ZSWIM5: variants seen among roughly 807,000 people sequenced by gnomAD.
The protein encoded by ZSWIM5 is zinc finger SWIM-type containing 5, also known as zinc finger SWIM domain-containing protein 5.
Under a neutral mutation model 119.6 loss-of-function variants are expected in ZSWIM5, and 55 were observed. The ratio of observed to expected loss-of-function variants is 0.46; its 90% CI spans 0.37 to 0.58. The LOEUF is 0.58. Ranked by LOEUF, ZSWIM5 falls within the 20% of genes least tolerant of loss-of-function variation. The pLI is 0.00. For missense variants in ZSWIM5, 1,193 were observed against 1,512.8 expected (o/e 0.79, Z 3.51); for synonymous variants, 537 against 606.9 (o/e 0.88, Z 1.69).
intron 11 of ZSWIM5, among the ~76,000 whole-genome samples, chr1:45,021,953 C>T (rs1569981304): frequency 1.4e-5 from 2 of 147,640 alleles, no homozygotes; most frequent in African/African-American, 2.5e-5. Flanking sequence ...ACCTGGGAGG[C>T]GGAGGTTGCA....
chr1:45,194,686 G>A (rs1272587772), intron 1 of ZSWIM5, among the ~76,000 whole-genome samples: 1 of 152,014 alleles, frequency 6.6e-6, no homozygotes, highest in East Asian at 1.9e-4. Context: ...GACCATCCTG[G>A]CTAACACAGT....
chr1:45,043,747 C>T (rs1645030496), intron 5 of ZSWIM5, among the ~76,000 whole-genome samples: 1 of 152,168 alleles, frequency 6.6e-6, no homozygotes, highest in Admixed American at 6.5e-5. Context: ...TGCTTAGCCA[C>T]TCAGTCATGA....
chr1:45,147,617 T>C (rs556905984), intron 1 of ZSWIM5, among the ~76,000 whole-genome samples: 42 of 147,530 alleles, frequency 2.8e-4, no homozygotes, highest in African/African-American at 8.4e-4. Flanking sequence ...AAGAAACCAG[T>C]TGGACATATA....
intron 2 of ZSWIM5, among the ~76,000 whole-genome samples, chr1:45,082,309 CCAAGAATGAT>C (rs1290870916): frequency 1.3e-5 from 2 of 148,788 alleles, no homozygotes; most frequent in African/African-American, 5.0e-5. Flanking sequence ...TGAGAAACAC[CCAAGAATGAT>C]CAATTAAAAA....
At chr1:45,037,752 A>G (rs901687465) in intron 8 of ZSWIM5, among the ~76,000 whole-genome samples, 14 of 152,252 alleles carry the variant, frequency 9.2e-5, no homozygotes, top group Non-Finnish European at 1.5e-5. Context: ...CTCTACCCAG[A>G]GAAATCTGAA....
In ZSWIM5 at chr1:45,149,039, C is replaced by T. The variant is rs141993339; in HGVS notation, c.595+56717G>A. Among the ~76,000 whole-genome samples, 420 of 152,138 alleles carry T rather than the reference C, an allele frequency of 2.8e-3. 3 individuals carry two copies. The highest frequency in any genetic ancestry group is 5.4e-3 in the South Asian group (26 of 4,814). On this transcript the variant is annotated intron_variant, in intron 1 of 13. Transcript: ENST00000359600. ...AGCCCAGCACTTTAGAAAGCCAAGA[C>T]GCAAGGACTTCTTGAGGCCAGGAGT...
chr1:45,191,393 G>C (rs1646092600), intron 1 of ZSWIM5, among the ~76,000 whole-genome samples: 1 of 152,172 alleles, frequency 6.6e-6, no homozygotes, highest in Non-Finnish European at 1.5e-5. Context: ...CAGCTGGGCA[G>C]CAAGTAGTTC....
At chr1:45,126,447 C>G (rs190691482) in intron 1 of ZSWIM5, among the ~76,000 whole-genome samples, 1 of 152,002 alleles carries the variant, frequency 6.6e-6, no homozygotes. Flanking sequence ...GAAAAAAAAC[C>G]AATTCCTTAG....
At chr1:45,061,045 A>G (rs1280527108) in intron 2 of ZSWIM5, among the ~76,000 whole-genome samples, 2 of 152,184 alleles carry the variant, frequency 1.3e-5, no homozygotes, top group African/African-American at 2.4e-5. Context: ...GATTTTATAA[A>G]TTTATATAAA....
rs530882763 is a variant in ZSWIM5, at chr1:45,132,348, T to G, written c.596-44111A>C. Among the ~76,000 whole-genome samples, 3 of 152,240 alleles carry G rather than the reference T, an allele frequency of 2.0e-5. No individual in the cohort carries two copies. In the East Asian group the frequency reaches 5.8e-4, roughly 29 times the overall value. ...TAAGCAGTTAAAACTATTTTATCTCTGAAGTCCCGTCTAGTTCATACAGTC... is the reference window on the plus strand; with the variant it reads ...TAAGCAGTTAAAACTATTTTATCTCGGAAGTCCCGTCTAGTTCATACAGTC... On this transcript the variant is annotated intron_variant, in intron 1 of 13. Coordinates refer to ENST00000359600, the MANE Select transcript of ZSWIM5 (RefSeq NM_020883.2).
chr1:45,191,185 G>A (rs907196532), intron 1 of ZSWIM5, among the ~76,000 whole-genome samples: 2 of 151,142 alleles, frequency 1.3e-5, no homozygotes, highest in Non-Finnish European at 3.0e-5. Context: ...CGCCCGCCTC[G>A]GCCTCCCAAA....
chr1:45,039,009 A>G lies in ZSWIM5; in HGVS notation c.1821T>C (p.Asp607=), dbSNP rs1645002691. 4.3e-6 allele frequency: 7 copies of G among 1,614,014 alleles called. No individual in the cohort carries two copies. Among genetic ancestry groups the G allele is most frequent in the Non-Finnish European group, 5.1e-6 (6 of 1,180,024 alleles). ...AAGTGAGAAACAGGCAGTCGATGGG[A>G]TCCAGGGGGTGGCCCACCCAGCCCT... ...NLEGWVGHPL[D]PIDCLFLTLT... is the part of the protein sequence containing the mutation. The change falls in exon 8 of 14, where the codon GAT becomes GAC. Residue 607 remains aspartate (D), a synonymous_variant. Transcript: ENST00000359600.
chr1:45,050,859 C>T (rs1179354536), intron 5 of ZSWIM5, among the ~76,000 whole-genome samples: 1 of 152,160 alleles, frequency 6.6e-6, no homozygotes, highest in Non-Finnish European at 1.5e-5. Flanking sequence ...TAAGGACACT[C>T]TAGATGTGGA....
At chr1:45,195,488 A>G (rs968571637) in intron 1 of ZSWIM5, among the ~76,000 whole-genome samples, 1 of 151,938 alleles carries the variant, frequency 6.6e-6, no homozygotes, top group African/African-American at 2.4e-5. Flanking sequence ...CCACCTAAGC[A>G]TCCCAAAGTG....
intron 1 of ZSWIM5, among the ~76,000 whole-genome samples, chr1:45,113,663 T>G (rs1324360408): frequency 6.6e-6 from 1 of 152,186 alleles, no homozygotes; most frequent in African/African-American, 2.4e-5. Context: ...GATAAAATGA[T>G]GGTAAGAATT....
intron 11 of ZSWIM5, among the ~76,000 whole-genome samples, chr1:45,030,568 G>A (rs1273272448): frequency 1.3e-5 from 2 of 151,888 alleles, no homozygotes; most frequent in Non-Finnish European, 2.9e-5. Context: ...TTATTCTTAA[G>A]TGAGCTCTGA....
chr1:45,203,935 T>C (rs1646172262), intron 1 of ZSWIM5, among the ~76,000 whole-genome samples: 1 of 152,132 alleles, frequency 6.6e-6, no homozygotes, highest in African/African-American at 2.4e-5. Flanking sequence ...ATATGTGTCT[T>C]TTCTCAAGTC....
intron 9 of ZSWIM5, 85 bp from the exon 10 acceptor site, chr1:45,035,908 T>G: frequency 6.3e-7 from 1 of 1,583,302 alleles, no homozygotes; most frequent in Non-Finnish European, 8.6e-7. Context: ...TCATGCATGT[T>G]TGCTAATCAT....
chr1:45,124,920 C>A (rs1645611441), intron 1 of ZSWIM5, among the ~76,000 whole-genome samples: 1 of 152,128 alleles, frequency 6.6e-6, no homozygotes, highest in Non-Finnish European at 1.5e-5. Flanking sequence ...TTGTATGAAC[C>A]AACATGCTGC....
Sources: allele counts gnomAD v4.1 joint callset (sites outside exome capture counted in the v4.1 genomes callset), GRCh38; gene constraint gnomAD v4.1.1; transcripts MANE v1.5; gene names NCBI Gene and HGNC (gene_info 2026-07-23, HGNC 2026-07-21).